Variants in EPB41L4A observed in about 807,000 individuals in gnomAD.
EPB41L4A encodes band 4.1-like protein 4A.
A neutral mutation model predicts 108.6 loss-of-function variants in EPB41L4A; 100 were observed. That is an observed-to-expected ratio of 0.92 (90% CI 0.78 to 1.09). EPB41L4A has a LOEUF of 1.09. Ranked by LOEUF, EPB41L4A falls within the 50% of genes least tolerant of loss-of-function variation. EPB41L4A has a pLI of 0.00. For missense variants in EPB41L4A, 1,030 were observed against 842.7 expected, an observed-to-expected ratio of 1.22 and a Z score of -2.75; for synonymous variants, 319 against 289.0, an observed-to-expected ratio of 1.10 and a Z score of -1.05.
intron 15 of EPB41L4A, among the ~76,000 whole-genome samples, chr5:112,201,772 G>A (rs530587277): frequency 6.6e-6 from 1 of 152,264 alleles, no homozygotes; most frequent in Non-Finnish European, 1.5e-5. Context: ...TGTTCCCAAG[G>A]AGAATGCTGA....
intron 1 of EPB41L4A, among the ~76,000 whole-genome samples, chr5:112,414,584 A>G (rs1400960033): frequency 6.6e-6 from 1 of 152,222 alleles, no homozygotes; most frequent in Non-Finnish European, 1.5e-5. Flanking sequence ...TCAAGAACAC[A>G]CACAGTAACT....
intron 3 of EPB41L4A, among the ~76,000 whole-genome samples, chr5:112,279,181 T>C (rs780734756): frequency 6.6e-6 from 1 of 151,912 alleles, no homozygotes; most frequent in Non-Finnish European, 1.5e-5. Context: ...TGGTTTCCAC[T>C]ACAGAGGTGG....
At chr5:112,221,183 C>A (rs1298789662) in intron 12 of EPB41L4A, among the ~76,000 whole-genome samples, 1 of 152,164 alleles carries the variant, frequency 6.6e-6, no homozygotes, top group Non-Finnish European at 1.5e-5. Flanking sequence ...AAATCTACTG[C>A]CTTAATTCAC....
intron 15 of EPB41L4A, among the ~76,000 whole-genome samples, chr5:112,204,067 T>C (rs1013646859): frequency 3.3e-5 from 5 of 151,022 alleles, no homozygotes; most frequent in African/African-American, 1.2e-4. Flanking sequence ...CTGTCTCTAC[T>C]TTGTAATATA....
At chr5:112,232,423 T>C (rs991243531) in intron 12 of EPB41L4A, among the ~76,000 whole-genome samples, 2 of 152,322 alleles carry the variant, frequency 1.3e-5, no homozygotes, top group South Asian at 2.1e-4. Flanking sequence ...GGCAAAATAA[T>C]AGTGATGTGG....
chr5:112,354,504 A>G (rs2150740848), intron 1 of EPB41L4A, among the ~76,000 whole-genome samples: 1 of 152,320 alleles, frequency 6.6e-6, no homozygotes, highest in Non-Finnish European at 1.5e-5. Flanking sequence ...TGTGGTAAGG[A>G]GAAAGTCAAA....
chr5:112,382,956 C>T (rs576818818), intron 1 of EPB41L4A, among the ~76,000 whole-genome samples: 7 of 152,284 alleles, frequency 4.6e-5, no homozygotes, highest in African/African-American at 1.7e-4. Context: ...AGGAAAAATG[C>T]TTCGGAGCAA....
chr5:112,179,415 A>C (rs1303944202), intron 18 of EPB41L4A, among the ~76,000 whole-genome samples: 1 of 152,166 alleles, frequency 6.6e-6, no homozygotes, highest in Non-Finnish European at 1.5e-5. Flanking sequence ...CACAAAAACA[A>C]AGAAAAAAAT....
intron 9 of EPB41L4A, among the ~76,000 whole-genome samples, chr5:112,254,914 G>A (rs1750964584): frequency 6.6e-6 from 1 of 151,954 alleles, no homozygotes; most frequent in Admixed American, 6.6e-5. Flanking sequence ...CCTTCACCTT[G>A]CTGCACTAGG....
At chr5:112,412,613 G>C (rs2112819979) in intron 1 of EPB41L4A, among the ~76,000 whole-genome samples, 1 of 152,286 alleles carries the variant, frequency 6.6e-6, no homozygotes, top group South Asian at 2.1e-4. Context: ...GTGATAACAG[G>C]TGCCTGTTTA....
At chr5:112,177,866 A>G (rs1247851801) in intron 18 of EPB41L4A, among the ~76,000 whole-genome samples, 2 of 152,148 alleles carry the variant, frequency 1.3e-5, no homozygotes, top group Non-Finnish European at 2.9e-5. Flanking sequence ...GTATCAAAAA[A>G]TATTCAGTTC....
chr5:112,275,962 T>A (rs1054493608), intron 3 of EPB41L4A, among the ~76,000 whole-genome samples: 1 of 152,100 alleles, frequency 6.6e-6, no homozygotes, highest in Admixed American at 6.5e-5. Context: ...TATCATACCT[T>A]TTGTGAAAAA....
intron 2 of EPB41L4A, among the ~76,000 whole-genome samples, chr5:112,282,925 T>G (rs1419109601): frequency 6.6e-6 from 1 of 152,180 alleles, no homozygotes; most frequent in African/African-American, 2.4e-5. Context: ...TGTTTTGTCT[T>G]TGTTTCCTTG....
intron 3 of EPB41L4A, among the ~76,000 whole-genome samples, chr5:112,279,494 T>C (rs143863100): frequency 6.6e-6 from 1 of 152,340 alleles, no homozygotes; most frequent in Non-Finnish European, 1.5e-5. Context: ...TTAAAATGTT[T>C]TGGAGATGGA....
At chr5:112,184,198 C>A in intron 17 of EPB41L4A, 63 bp from the exon 18 acceptor site, 1 of 1,571,140 alleles carries the variant, frequency 6.4e-7, no homozygotes, top group South Asian at 1.2e-5. Context: ...TAGGTTCATC[C>A]TAAACTTGCT....
chr5:112,245,742 C>T (rs1331635610), intron 9 of EPB41L4A, among the ~76,000 whole-genome samples: 1 of 152,206 alleles, frequency 6.6e-6, no homozygotes. Context: ...GGCACATCTA[C>T]TCACACAGGT....
At chr5:112,338,918 C>G (rs1235764662) in intron 1 of EPB41L4A, among the ~76,000 whole-genome samples, 1 of 152,186 alleles carries the variant, frequency 6.6e-6, no homozygotes, top group Non-Finnish European at 1.5e-5. Context: ...TCAAGAATGG[C>G]TATCTCCCTC....
At chr5:112,314,534 A>AAAAAAAAAAAG (rs1755291445) in intron 1 of EPB41L4A, among the ~76,000 whole-genome samples, 2 of 133,830 alleles carry the variant, frequency 1.5e-5, no homozygotes, top group Non-Finnish European at 3.1e-5. Flanking sequence ...AAAAAAAAAA[A>AAAAAAAAAAAG]AAAAGAAAAG....
At chr5:112,259,158 T>C in intron 9 of EPB41L4A, 71 bp downstream of exon 9, 5 of 1,187,518 alleles carry the variant, frequency 4.2e-6, no homozygotes, top group Non-Finnish European at 6.2e-6. Flanking sequence ...TTCTTCACAA[T>C]GTCTTTTAAG....
Sources: gnomAD v4.1 joint callset for allele counts (sites outside exome capture counted in the v4.1 genomes callset) on GRCh38, gnomAD v4.1.1 for gene constraint, MANE v1.5 for transcripts, NCBI Gene and HGNC (gene_info 2026-07-23, HGNC 2026-07-21) for gene names.